Variants in GDE1 observed in about 807,000 individuals in gnomAD.
The protein encoded by GDE1 is RGS16-interacting membrane protein.
Under a neutral mutation model 32.2 loss-of-function variants are expected in GDE1, and 24 were observed. That is an observed-to-expected ratio of 0.75 (90% CI 0.54 to 1.05). GDE1 has a LOEUF of 1.05. GDE1 is among the 50% of genes least tolerant of loss of function. The pLI, the probability that GDE1 is intolerant of heterozygous loss-of-function variation, is 0.00. For missense variants in GDE1, 380 were observed against 415.0 expected (o/e 0.92, Z 0.73); for synonymous variants, 159 against 158.6 (o/e 1.00, Z -0.02).
intron 2 of GDE1, among the ~76,000 whole-genome samples, chr16:19,515,690 T>C (rs1429519188): frequency 6.6e-6 from 1 of 152,192 alleles, no homozygotes; most frequent in Non-Finnish European, 1.5e-5. Flanking sequence ...CAATATTCTT[T>C]CCTGCCTACA....
At chr16:19,516,195 T>C (rs1969378327) in intron 2 of GDE1, among the ~76,000 whole-genome samples, 1 of 152,178 alleles carries the variant, frequency 6.6e-6, no homozygotes, top group Non-Finnish European at 1.5e-5. Flanking sequence ...GGAATTAAAT[T>C]AGACACTGAA....
At chr16:19,520,102 A>C (rs1046778632) in intron 1 of GDE1, among the ~76,000 whole-genome samples, 1 of 152,198 alleles carries the variant, frequency 6.6e-6, no homozygotes, top group Non-Finnish European at 1.5e-5. Flanking sequence ...CTGGTAGATT[A>C]TAAATGAGAT....
intron 3 of GDE1, among the ~76,000 whole-genome samples, chr16:19,509,076 C>T (rs528707043): frequency 3.9e-5 from 6 of 152,088 alleles, no homozygotes; most frequent in Non-Finnish European, 5.9e-5. Flanking sequence ...CCAAGGTGGG[C>T]GGATCACTCG....
chr16:19,517,058 A>T lies in GDE1; in HGVS notation c.393T>A (p.Phe131Leu), dbSNP rs1265469610. The T allele has an allele frequency of 6.2e-7, 1 of 1,614,154 alleles. No homozygotes were observed. The highest frequency in any genetic ancestry group is 1.1e-5 in the South Asian group (1 of 91,084). ...DGTGRLCDLTFEQIRKLNPAA... is the reference protein window; with the variant it reads ...DGTGRLCDLTLEQIRKLNPAA... ...CAGGATTCAGCTTCCTAATTTGTTC[A>T]AATGTCAAATCACACAATCGCCCAG... The change falls in exon 2 of 6, where the codon TTT becomes TTA. Residue 131 changes from phenylalanine (F) to leucine (L), a missense_variant. Transcript: ENST00000353258.
chr16:19,505,384 G>A (rs1186752325), intron 4 of GDE1, among the ~76,000 whole-genome samples: 6 of 152,098 alleles, frequency 3.9e-5, no homozygotes, highest in Non-Finnish European at 5.9e-5. Context: ...ATAATGTCAT[G>A]AGAATAAACT....
chr16:19,506,640 A>G (rs1388896736), intron 4 of GDE1, among the ~76,000 whole-genome samples: 1 of 151,256 alleles, frequency 6.6e-6, no homozygotes, highest in African/African-American at 2.4e-5. Flanking sequence ...ACTCCGTCTC[A>G]AAAACAAACA....
In GDE1 at chr16:19,503,844, A is replaced by G. The variant is rs1330467951; in HGVS notation, c.849-227T>C. ...TTTCAGTAGCTCACTAATGATCGCC[A>G]CCCCCAAATGTCCTTGGCACAGCCA... is the stretch of plus-strand genomic sequence containing the variant. On this transcript the variant is annotated intron_variant, in intron 5 of 5. Coordinates refer to ENST00000353258, the MANE Select transcript of GDE1 (RefSeq NM_016641.4). The G allele has an allele frequency of 6.9e-6, 3 of 433,504 alleles. No homozygotes were observed. The East Asian group carries it at 1.0e-4, about 15-fold the overall frequency. The allele number at this position is 433,504 out of a possible 1,614,324, so 26.9% of individuals were successfully genotyped here.
chr16:19,510,012 G>A (rs1367746974), intron 3 of GDE1, among the ~76,000 whole-genome samples: 1 of 151,902 alleles, frequency 6.6e-6, no homozygotes, highest in African/African-American at 2.4e-5. Flanking sequence ...AAAAAAATTG[G>A]CATCATCAGA....
At chr16:19,514,698 CAT>C (rs1969359025) in intron 2 of GDE1, among the ~76,000 whole-genome samples, 1 of 152,070 alleles carries the variant, frequency 6.6e-6, no homozygotes, top group South Asian at 2.1e-4. Context: ...GCTTTTCTCT[CAT>C]AATAAAATTA....
At chr16:19,504,741 G>A (rs1210266424) in intron 5 of GDE1, 140 bp downstream of exon 5, 3 of 615,258 alleles carry the variant, frequency 4.9e-6, no homozygotes, top group Non-Finnish European at 8.7e-6. Context: ...CCTAAGAAGC[G>A]AAATTGGTAA....
At position 19,518,685 on chromosome 16, in the gene GDE1, C is replaced by A. The variant is rs138022144; in HGVS notation, c.262-1496G>T. Among the ~76,000 whole-genome samples the A allele has an allele frequency of 9.0e-4, 137 of 152,282 alleles. 1 individual carries two copies. In the East Asian group the frequency reaches 0.019, roughly 21 times the overall value. ...CGGTTTTTATTTAAGTACCCATAAA[C>A]AACACAGAGCACTGTGCTAGTGAAT... On this transcript the variant is annotated intron_variant, in intron 1 of 5. Transcript: ENST00000353258.
intron 1 of GDE1, among the ~76,000 whole-genome samples, chr16:19,520,506 T>C (rs12051433): frequency 0.13 from 19,344 of 151,336 alleles, 1,384 homozygotes; most frequent in Middle Eastern, 0.19. Context: ...GGTGGATCAC[T>C]TTGAGGCCAG....
intron 1 of GDE1, among the ~76,000 whole-genome samples, chr16:19,518,828 C>T (rs948753227): frequency 1.3e-5 from 2 of 152,142 alleles, no homozygotes; most frequent in Non-Finnish European, 2.9e-5. Flanking sequence ...GATTTTTCTG[C>T]TTTATTTAAA....
chr16:19,503,374 G>T lies in GDE1; in HGVS notation c.*96C>A. Reference sequence around the variant, plus strand: ...ACTATTGCATTTGTGTGAGTCACCTGATTCCCCAGGGCCTGGGCTAGCACA... The same window carrying T: ...ACTATTGCATTTGTGTGAGTCACCTTATTCCCCAGGGCCTGGGCTAGCACA... On this transcript the variant is annotated 3_prime_UTR_variant, in exon 6 of 6. Transcript: ENST00000353258. The T allele has an allele frequency of 1.8e-6, 2 of 1,094,488 alleles. No homozygotes were observed. Among genetic ancestry groups the T allele is most frequent in the South Asian group, 1.5e-5 (1 of 66,176 alleles). The allele number at this position is 1,094,488 out of a possible 1,614,324, so 67.8% of individuals were successfully genotyped here. A position where few individuals can be genotyped will look rare whatever the true frequency, so the allele number is the denominator to read the frequency against.
chr16:19,510,793 A>G, intron 3 of GDE1, 46 bp downstream of exon 3: 1 of 823,254 alleles, frequency 1.2e-6, no homozygotes, highest in Non-Finnish European at 1.9e-6. Context: ...CGTCAATGAA[A>G]TAAGATGTCT....
chr16:19,516,213 T>C (rs911612115), intron 2 of GDE1, among the ~76,000 whole-genome samples: 2 of 152,206 alleles, frequency 1.3e-5, no homozygotes, highest in African/African-American at 4.8e-5. Context: ...GAAAGAACTT[T>C]TGCTCTTACA....
chr16:19,517,891 T>G (rs1225472879), intron 1 of GDE1, among the ~76,000 whole-genome samples: 1 of 146,446 alleles, frequency 6.8e-6, no homozygotes, highest in African/African-American at 2.5e-5. Flanking sequence ...ATTTCTTTCT[T>G]TTTTTTTTTT....
chr16:19,506,892 G>T (rs1969254223), intron 4 of GDE1, among the ~76,000 whole-genome samples: 1 of 152,100 alleles, frequency 6.6e-6, no homozygotes, highest in African/African-American at 2.4e-5. Context: ...CCAGCACTTT[G>T]AGAGGCTGAG....
chr16:19,505,412 T>G (rs961318686), intron 4 of GDE1, among the ~76,000 whole-genome samples: 1 of 152,212 alleles, frequency 6.6e-6, no homozygotes, highest in Non-Finnish European at 1.5e-5. Context: ...GGCTATTGAC[T>G]TAAATCCTGG....
Sources: gnomAD v4.1 joint callset for allele counts (sites outside exome capture counted in the v4.1 genomes callset) on GRCh38, gnomAD v4.1.1 for gene constraint, MANE v1.5 for transcripts, NCBI Gene and HGNC (gene_info 2026-07-23, HGNC 2026-07-21) for gene names.